The following SLC5A8 variants were observed in gnomAD, a reference collection of about 807,000 sequenced individuals.
SLC5A8 encodes sodium-coupled monocarboxylate transporter 1.
A neutral mutation model predicts 71.9 loss-of-function variants in SLC5A8; 55 were observed. The ratio of observed to expected loss-of-function variants is 0.77; its 90% CI spans 0.62 to 0.96. The LOEUF (loss-of-function observed/expected upper bound fraction) is 0.96. Among genes scored for constraint, SLC5A8 ranks in the 40% least tolerant of loss-of-function variants. SLC5A8 has a pLI of 0.00. For synonymous variants in SLC5A8, 307 were observed against 276.1 expected (o/e 1.11, Z -1.11); for missense variants, 701 against 745.3 (o/e 0.94, Z 0.69).
chr12:101,183,270 C>T (rs966868158), intron 8 of SLC5A8, among the ~76,000 whole-genome samples: 2 of 152,022 alleles, frequency 1.3e-5, no homozygotes, highest in Admixed American at 6.6e-5. Context: ...TGGTCTCGAT[C>T]TCCTGACCTC....
intron 10 of SLC5A8, among the ~76,000 whole-genome samples, chr12:101,173,505 G>A (rs955402882): frequency 6.6e-6 from 1 of 152,182 alleles, no homozygotes; most frequent in Non-Finnish European, 1.5e-5. Flanking sequence ...GCTCTGGATC[G>A]ACCAGGCAGA....
In SLC5A8 at chr12:101,156,806, A is replaced by G. The variant is rs188325725; in HGVS notation, c.*473T>C. The G allele has an allele frequency of 4.1e-4, 64 of 157,964 alleles. No individual in the cohort carries two copies. The highest frequency in any genetic ancestry group is 6.7e-3 in the Middle Eastern group (2 of 300). The allele number at this position is 157,964 out of a possible 1,614,324, so 9.8% of individuals were successfully genotyped here. ...TAAAAAGCAAAGATCTAGACAACAC[A>G]GACCTGTTACCTCATTGCTCCCTAA... On this transcript the variant is annotated 3_prime_UTR_variant, in exon 15 of 15. Coordinates refer to ENST00000536262, the MANE Select transcript of SLC5A8 (RefSeq NM_145913.5).
At chr12:101,177,619 C>T (rs1288552891) in intron 10 of SLC5A8, among the ~76,000 whole-genome samples, 1 of 151,874 alleles carries the variant, frequency 6.6e-6, no homozygotes, top group African/African-American at 2.4e-5. Flanking sequence ...AGGTTTATTC[C>T]CGGTATGCAA....
chr12:101,195,244 C>T, intron 3 of SLC5A8, 82 bp from the exon 4 acceptor site: 1 of 1,469,378 alleles, frequency 6.8e-7, no homozygotes, highest in South Asian at 1.2e-5. Context: ...GAGAAGGAAG[C>T]TATATCATTT....
intron 2 of SLC5A8, among the ~76,000 whole-genome samples, chr12:101,203,711 C>T (rs1408062969): frequency 6.6e-6 from 1 of 152,236 alleles, no homozygotes; most frequent in Non-Finnish European, 1.5e-5. Context: ...ATCTCTTCCA[C>T]AACCTCCATT....
chr12:101,164,739 G>A (rs2051753730), intron 12 of SLC5A8, among the ~76,000 whole-genome samples: 1 of 152,180 alleles, frequency 6.6e-6, no homozygotes, highest in Non-Finnish European at 1.5e-5. Context: ...CTCCAGTCAG[G>A]CAGACTTCCT....
At chr12:101,190,656 A>C (rs1204453552) in intron 5 of SLC5A8, 48 bp from the exon 6 acceptor site, 1 of 1,497,420 alleles carries the variant, frequency 6.7e-7, no homozygotes, top group Non-Finnish European at 8.9e-7. Flanking sequence ...AGCAGAGACT[A>C]AAAAAAATTC....
At chr12:101,180,305 C>T (rs2051920527) in intron 9 of SLC5A8, among the ~76,000 whole-genome samples, 1 of 152,114 alleles carries the variant, frequency 6.6e-6, no homozygotes, top group Non-Finnish European at 1.5e-5. Flanking sequence ...TACATTGTGT[C>T]CCAGGATTAG....
At chr12:101,192,016 G>C (rs768960995) in intron 5 of SLC5A8, among the ~76,000 whole-genome samples, 2 of 152,194 alleles carry the variant, frequency 1.3e-5, no homozygotes, top group Non-Finnish European at 2.9e-5. Flanking sequence ...CTACCAGGAA[G>C]AGATTTGGGA....
At chr12:101,203,375 T>C (rs1317225385) in intron 2 of SLC5A8, among the ~76,000 whole-genome samples, 5 of 151,978 alleles carry the variant, frequency 3.3e-5, no homozygotes, top group South Asian at 2.1e-4. Context: ...TGAAACAGAG[T>C]CTTGCCCTGT....
At chr12:101,199,296 T>G (rs1165627020) in intron 3 of SLC5A8, 1 of 151,996 alleles carries the variant, frequency 6.6e-6, no homozygotes, top group Non-Finnish European at 1.5e-5. Context: ...TTCACAAATT[T>G]GCATATCATT....
chr12:101,179,925 C>T (rs1208906770), intron 10 of SLC5A8, 104 bp downstream of exon 10: 10 of 1,186,188 alleles, frequency 8.4e-6, no homozygotes, highest in East Asian at 7.0e-5. Context: ...CTTGATATGT[C>T]CAGGTGTCGA....
At chr12:101,191,335 G>A (rs558116860) in intron 5 of SLC5A8, among the ~76,000 whole-genome samples, 1 of 152,248 alleles carries the variant, frequency 6.6e-6, no homozygotes, top group Non-Finnish European at 1.5e-5. Context: ...TATACAATAT[G>A]AGCTAGAAAA....
At chr12:101,165,147 C>T (rs1383949104) in intron 12 of SLC5A8, among the ~76,000 whole-genome samples, 1 of 152,042 alleles carries the variant, frequency 6.6e-6, no homozygotes, top group African/African-American at 2.4e-5. Context: ...AATAAATGGC[C>T]AGCACAGTGC....
intron 9 of SLC5A8, among the ~76,000 whole-genome samples, chr12:101,180,939 A>G (rs367845012): frequency 6.6e-6 from 1 of 152,042 alleles, no homozygotes; most frequent in East Asian, 1.9e-4. Context: ...TATTTTCTAA[A>G]TTTTCTCCAG....
chr12:101,200,009 CAAAAAAAAAAAAAAAAAAAAAAAAAAAAA>C (rs1182463470), intron 3 of SLC5A8, among the ~76,000 whole-genome samples: 1 of 9,612 alleles, frequency 1.0e-4, no homozygotes, highest in Non-Finnish European at 2.0e-4. Context: ...GTACTACCAG[CAAAAAAAAAAAAAAAAAAAAAAAAAAAAA>C]AAAAAAAAAA....
rs1202278959 is a variant in SLC5A8, at chr12:101,166,682, C to T, written c.1338G>A (p.Leu446=). Residue 446 remains leucine, a synonymous_variant, in exon 12 of 15, where the codon CTG becomes CTA. Coordinates refer to ENST00000536262, the MANE Select transcript of SLC5A8 (RefSeq NM_145913.5). The part of the protein sequence containing the change: ...FANSIGALVG[L]MAGFAISLWV... ...ATAGAGAAATGGCAAATCCAGCCAT[C>T]AGACCAACAAGTGCTCCCTGTAAAA... 3 of 1,610,852 alleles carry T rather than the reference C, an allele frequency of 1.9e-6. No individual in the cohort carries two copies. Among genetic ancestry groups the T allele is most frequent in the African/African-American group, 1.3e-5 (1 of 74,940 alleles).
intron 5 of SLC5A8, among the ~76,000 whole-genome samples, chr12:101,192,784 C>G (rs1376115186): frequency 6.6e-6 from 1 of 152,018 alleles, no homozygotes; most frequent in Non-Finnish European, 1.5e-5. Flanking sequence ...TAATCATAAG[C>G]TACTATGTTA....
intron 5 of SLC5A8, among the ~76,000 whole-genome samples, chr12:101,190,892 G>A (rs986279922): frequency 8.6e-5 from 13 of 151,970 alleles, no homozygotes; most frequent in African/African-American, 2.9e-4. Flanking sequence ...TGTGATCTAA[G>A]GAAACTGTCA....
Sources: gnomAD v4.1 joint callset for allele counts (sites outside exome capture counted in the v4.1 genomes callset) on GRCh38, gnomAD v4.1.1 for gene constraint, MANE v1.5 for transcripts, NCBI Gene and HGNC (gene_info 2026-07-23, HGNC 2026-07-21) for gene names.